Variants in PTPRF observed in about 807,000 individuals in gnomAD.
The protein encoded by PTPRF is protein tyrosine phosphatase receptor type F.
A neutral mutation model predicts 201.8 loss-of-function variants in PTPRF; 59 were observed. That is an observed-to-expected ratio of 0.29 (90% confidence interval 0.24 to 0.36). PTPRF has a LOEUF of 0.36. PTPRF is among the 10% of genes least tolerant of loss of function. The pLI is 1.00. For missense variants in PTPRF, 2,132 were observed against 2,690.5 expected (o/e 0.79, Z 4.59); for synonymous variants, 1,088 against 1,089.7 (o/e 1.00, Z 0.03).
chr1:43,608,556 GCTT>G (rs1331937494), intron 21 of PTPRF, among the ~76,000 whole-genome samples: 1 of 152,206 alleles, frequency 6.6e-6, no homozygotes, highest in East Asian at 1.9e-4. Flanking sequence ...TGCAGAGGAT[GCTT>G]CTTCTCTGGG....
At chr1:43,577,133 G>T (rs1005136971) in intron 6 of PTPRF, among the ~76,000 whole-genome samples, 1 of 152,090 alleles carries the variant, frequency 6.6e-6, no homozygotes, top group Non-Finnish European at 1.5e-5. Flanking sequence ...TTTCACCCAG[G>T]AACCACTTTC....
intron 2 of PTPRF, among the ~76,000 whole-genome samples, chr1:43,540,786 G>C (rs1251314198): frequency 6.6e-6 from 1 of 152,224 alleles, no homozygotes; most frequent in Non-Finnish European, 1.5e-5. Flanking sequence ...CTGGAGGAGG[G>C]AAGGCGGCCT....
intron 33 of PTPRF, 146 bp downstream of exon 33, chr1:43,621,378 T>C: frequency 8.6e-7 from 1 of 1,168,982 alleles, no homozygotes; most frequent in Non-Finnish European, 1.2e-6. Flanking sequence ...CATGGTGGTG[T>C]GTGCTTATGG....
chr1:43,529,924 G>C (rs1284014163), upstream of PTPRF, among the ~76,000 whole-genome samples: 1 of 152,132 alleles, frequency 6.6e-6, no homozygotes, highest in Admixed American at 6.5e-5. Context: ...CGAGGCCAAT[G>C]TAAGGTTCAC....
chr1:43,597,732 C>CCT lies in PTPRF; in HGVS notation c.1814-16_1814-15insCT. ...ACCCTCCATCTGCTTGCTTCCCCCC[C>CCT]ATTTGTCTTCCCCAGCCCCCTCCGC... On this transcript the variant is annotated splice_polypyrimidine_tract_variant and intron_variant, in intron 11 of 33. Transcript: ENST00000359947. 1 of 1,440,888 alleles carries CCT rather than the reference C, an allele frequency of 6.9e-7. No homozygotes were observed. Among genetic ancestry groups the CCT allele is most frequent in the Non-Finnish European group, 9.6e-7 (1 of 1,046,448 alleles). The allele number at this position is 1,440,888 out of a possible 1,614,324, so 89.3% of individuals were successfully genotyped here.
intron 8 of PTPRF, among the ~76,000 whole-genome samples, chr1:43,589,502 G>A (rs1405739413): frequency 6.6e-6 from 1 of 151,984 alleles, no homozygotes; most frequent in African/African-American, 2.4e-5. Flanking sequence ...GGGAAAGTGT[G>A]TTCTCTCTGC....
chr1:43,567,802 C>T (rs905513181), intron 5 of PTPRF, among the ~76,000 whole-genome samples: 1 of 152,226 alleles, frequency 6.6e-6, no homozygotes, highest in Non-Finnish European at 1.5e-5. Flanking sequence ...AGAAGCCTGA[C>T]TTCCCTTGGC....
chr1:43,570,934 G>A (rs758995530), intron 6 of PTPRF, among the ~76,000 whole-genome samples: 45 of 152,354 alleles, frequency 3.0e-4, no homozygotes, highest in African/African-American at 9.1e-4. Flanking sequence ...AGCACGGTTC[G>A]GCTCCTCTGC....
At chr1:43,555,948 A>T (rs1645340547) in intron 5 of PTPRF, among the ~76,000 whole-genome samples, 1 of 152,242 alleles carries the variant, frequency 6.6e-6, no homozygotes, top group East Asian at 1.9e-4. Flanking sequence ...TTGCTGAGTC[A>T]AAGGGCACAT....
At chr1:43,596,358 G>C (rs573747177) in intron 11 of PTPRF, among the ~76,000 whole-genome samples, 86 of 152,280 alleles carry the variant, frequency 5.6e-4, no homozygotes, top group African/African-American at 2.0e-3. Context: ...GGAGATGAGG[G>C]GCTCTGGGGC....
At chr1:43,595,138 T>A (rs554150562) in intron 11 of PTPRF, among the ~76,000 whole-genome samples, 1 of 152,270 alleles carries the variant, frequency 6.6e-6, no homozygotes, top group African/African-American at 2.4e-5. Context: ...AAAGTGTAGC[T>A]CTGAACAAGG....
chr1:43,527,993 G>A (rs1022427580), upstream of PTPRF, among the ~76,000 whole-genome samples: 1 of 152,186 alleles, frequency 6.6e-6, no homozygotes, highest in African/African-American at 2.4e-5. Flanking sequence ...AGGACCCTGT[G>A]CTGGCCACTG....
At chr1:43,555,932 G>C (rs538745551) in intron 5 of PTPRF, among the ~76,000 whole-genome samples, 1 of 152,318 alleles carries the variant, frequency 6.6e-6, no homozygotes, top group South Asian at 2.1e-4. Context: ...GTTCATGGAA[G>C]TGGAATTGCT....
chr1:43,619,233 G>C, intron 27 of PTPRF, 31 bp downstream of exon 27: 2 of 1,606,474 alleles, frequency 1.2e-6, no homozygotes, highest in Non-Finnish European at 1.7e-6. Flanking sequence ...CCAGAGGGGT[G>C]GGTGGGGTGG....
At chr1:43,579,975 AG>A (rs1405120170) in intron 7 of PTPRF, 1 of 151,604 alleles carries the variant, frequency 6.6e-6, no homozygotes, top group Non-Finnish European at 1.5e-5. Context: ...CAGGAGGCTG[AG>A]GTAGGAAAAT....
chr1:43,620,711 TC>T, intron 31 of PTPRF, 126 bp from the exon 32 acceptor site: 1 of 1,518,252 alleles, frequency 6.6e-7, no homozygotes, highest in Non-Finnish European at 9.0e-7. Context: ...TGAGCACATC[TC>T]CCCCTGTGGC....
chr1:43,586,297 C>T (rs3791142), intron 7 of PTPRF, among the ~76,000 whole-genome samples: 42,921 of 152,126 alleles, frequency 0.28, 6,548 homozygotes, highest in East Asian at 0.48. Context: ...GCCCCCACCC[C>T]GCTTCTGTGG....
At chr1:43,547,915 G>T (rs956546533) in intron 3 of PTPRF, among the ~76,000 whole-genome samples, 2 of 152,210 alleles carry the variant, frequency 1.3e-5, no homozygotes, top group Non-Finnish European at 2.9e-5. Flanking sequence ...AGCCAGGGCA[G>T]AGGTTTTTGC....
chr1:43,587,353 G>A (rs1649417309), intron 7 of PTPRF, among the ~76,000 whole-genome samples: 1 of 152,240 alleles, frequency 6.6e-6, no homozygotes, highest in African/African-American at 2.4e-5. Flanking sequence ...GACTTTGGTG[G>A]TGGCAGTTGC....
Sources: gnomAD v4.1 joint callset for allele counts (sites outside exome capture counted in the v4.1 genomes callset) on GRCh38, gnomAD v4.1.1 for gene constraint, MANE v1.5 for transcripts, NCBI Gene and HGNC (gene_info 2026-07-23, HGNC 2026-07-21) for gene names.